MAGI3: variants seen among roughly 807,000 people sequenced by gnomAD.
MAGI3 encodes the protein membrane associated guanylate kinase, WW and PDZ domain containing 3, also known as membrane-associated guanylate kinase, WW and PDZ domain-containing protein 3.
Under a neutral mutation model 121.8 loss-of-function variants are expected in MAGI3, and 43 were observed. The observed-to-expected ratio is 0.35, with a 90% CI of 0.28 to 0.46. The LOEUF is 0.46. Among genes scored for constraint, MAGI3 ranks in the 20% least tolerant of loss-of-function variants. The pLI is 1.00. For missense variants in MAGI3, 1,547 were observed against 1,797.3 expected (o/e 0.86, Z 2.52); for synonymous variants, 553 against 639.3 (o/e 0.86, Z 2.04).
chr1:113,411,735 T>A (rs902426470), intron 1 of MAGI3, among the ~76,000 whole-genome samples: 1 of 151,710 alleles, frequency 6.6e-6, no homozygotes, highest in African/African-American at 2.4e-5. Flanking sequence ...TTTTTTTCTA[T>A]AAAAGTGAAC....
At chr1:113,576,049 C>T (rs1647615248) in intron 2 of MAGI3, among the ~76,000 whole-genome samples, 1 of 152,196 alleles carries the variant, frequency 6.6e-6, no homozygotes, top group African/African-American at 2.4e-5. Flanking sequence ...CCCCACCAAG[C>T]TCGATCATCC....
intron 1 of MAGI3, among the ~76,000 whole-genome samples, chr1:113,474,316 T>C (rs1002240403): frequency 2.6e-5 from 4 of 152,206 alleles, no homozygotes; most frequent in Non-Finnish European, 5.9e-5. Flanking sequence ...GCTTTTGATG[T>C]TTTAGTCATG....
At chr1:113,577,396 G>T (rs1400566812) in intron 2 of MAGI3, among the ~76,000 whole-genome samples, 1 of 152,084 alleles carries the variant, frequency 6.6e-6, no homozygotes, top group Admixed American at 6.6e-5. Flanking sequence ...AGTGAGAGGA[G>T]AATTGGAGAC....
intron 2 of MAGI3, among the ~76,000 whole-genome samples, chr1:113,561,147 C>A (rs1431309155): frequency 6.6e-6 from 1 of 152,084 alleles, no homozygotes; most frequent in African/African-American, 2.4e-5. Flanking sequence ...CAAAAAAAGC[C>A]CAGGACCAGA....
At chr1:113,616,983 C>G (rs1176687181) in intron 7 of MAGI3, among the ~76,000 whole-genome samples, 1 of 151,866 alleles carries the variant, frequency 6.6e-6, no homozygotes, top group Non-Finnish European at 1.5e-5. Context: ...TTCTGCCTCC[C>G]AGGTTCAAGT....
At chr1:113,456,650 C>G (rs186405550) in intron 1 of MAGI3, among the ~76,000 whole-genome samples, 222 of 152,254 alleles carry the variant, frequency 1.5e-3, no homozygotes, top group African/African-American at 5.0e-3. Context: ...ACATGGTGAT[C>G]TTAATGCCAC....
intron 9 of MAGI3, among the ~76,000 whole-genome samples, chr1:113,638,634 G>C (rs1652215962): frequency 6.6e-6 from 1 of 152,202 alleles, no homozygotes; most frequent in South Asian, 2.1e-4. Context: ...GTGTCAGTCT[G>C]CCCCTACTGG....
chr1:113,407,245 G>A (rs1338993061), intron 1 of MAGI3, among the ~76,000 whole-genome samples: 1 of 152,168 alleles, frequency 6.6e-6, no homozygotes, highest in Non-Finnish European at 1.5e-5. Flanking sequence ...TAGTTTGGAT[G>A]AAAATAAATG....
At chr1:113,626,809 T>C (rs1406908539) in intron 9 of MAGI3, among the ~76,000 whole-genome samples, 1 of 152,222 alleles carries the variant, frequency 6.6e-6, no homozygotes, top group Non-Finnish European at 1.5e-5. Context: ...TCCTGTTTCA[T>C]CTCTGATTTT....
At chr1:113,633,550 C>T (rs528479206) in intron 9 of MAGI3, among the ~76,000 whole-genome samples, 41 of 152,152 alleles carry the variant, frequency 2.7e-4, no homozygotes, top group African/African-American at 7.7e-4. Flanking sequence ...CGTGAGCCAC[C>T]GCGCCCAGCC....
At chr1:113,413,385 T>G (rs756332633) in intron 1 of MAGI3, among the ~76,000 whole-genome samples, 35 of 152,196 alleles carry the variant, frequency 2.3e-4, no homozygotes, top group Non-Finnish European at 4.4e-4. Context: ...CCATATAAAC[T>G]TTAAAGTAGT....
chr1:113,604,316 C>T (rs2101758184), intron 6 of MAGI3, among the ~76,000 whole-genome samples: 1 of 152,068 alleles, frequency 6.6e-6, no homozygotes, highest in East Asian at 1.9e-4. Context: ...TGCCTGTAAT[C>T]CCAACACTTT....
intron 6 of MAGI3, among the ~76,000 whole-genome samples, chr1:113,611,114 T>C (rs1650105594): frequency 6.9e-6 from 1 of 145,272 alleles, no homozygotes; most frequent in African/African-American, 2.5e-5. Flanking sequence ...TGAGACAGAC[T>C]CTCACACTGT....
chr1:113,652,801 C>G (rs1295403587), intron 14 of MAGI3, among the ~76,000 whole-genome samples: 1 of 152,136 alleles, frequency 6.6e-6, no homozygotes, highest in African/African-American at 2.4e-5. Flanking sequence ...AAAATATGCC[C>G]TTTTTAAAAA....
At chr1:113,406,096 T>A (rs929030438) in intron 1 of MAGI3, among the ~76,000 whole-genome samples, 3 of 152,022 alleles carry the variant, frequency 2.0e-5, no homozygotes, top group African/African-American at 7.2e-5. Flanking sequence ...AGATTTGAAC[T>A]GGATTGCATT....
At chr1:113,554,318 C>T (rs370879844) in intron 2 of MAGI3, among the ~76,000 whole-genome samples, 2 of 151,564 alleles carry the variant, frequency 1.3e-5, no homozygotes, top group Non-Finnish European at 2.9e-5. Context: ...TGAAGTGGAA[C>T]CTTAAAAATT....
intron 1 of MAGI3, among the ~76,000 whole-genome samples, chr1:113,463,092 C>G (rs1655110144): frequency 6.6e-6 from 1 of 151,836 alleles, no homozygotes; most frequent in Non-Finnish European, 1.5e-5. Flanking sequence ...TAGAACTGCC[C>G]AGAAACAAAT....
rs757669391 is a variant in MAGI3, at chr1:113,642,374, G to A, written c.1824G>A (p.Gln608=). The A allele has an allele frequency of 6.2e-7, 1 of 1,614,196 alleles. No individual in the cohort carries two copies. The highest frequency in any genetic ancestry group is 2.2e-5 in the East Asian group (1 of 44,886). Residue 608 remains glutamine (Q), a synonymous_variant, in exon 10 of 21, where the codon CAG becomes CAA. Transcript: ENST00000307546. ...AGGTGAAAATGATACTGGATAGTCA[G>A]TGGTGTCAAGGCCTTCAGAAAGGAG... ...GQKVKMILDS[Q]WCQGLQKGDI... is the part of the protein sequence containing the mutation.
chr1:113,652,794 AT>A (rs1653246176), intron 14 of MAGI3, among the ~76,000 whole-genome samples: 1 of 152,250 alleles, frequency 6.6e-6, no homozygotes, highest in Non-Finnish European at 1.5e-5. Context: ...ATGGCAAAAA[AT>A]ATGCCCTTTT....
Sources: allele counts gnomAD v4.1 joint callset (sites outside exome capture counted in the v4.1 genomes callset), GRCh38; gene constraint gnomAD v4.1.1; transcripts MANE v1.5; gene names NCBI Gene and HGNC (gene_info 2026-07-23, HGNC 2026-07-21).